PPP4R1: variants seen among roughly 807,000 people sequenced by gnomAD.
PPP4R1 encodes serine/threonine-protein phosphatase 4 regulatory subunit 1.
Under a neutral mutation model 111.2 loss-of-function variants are expected in PPP4R1, and 42 were observed. The ratio of observed to expected loss-of-function variants is 0.38; its 90% confidence interval spans 0.29 to 0.49. The LOEUF (loss-of-function observed/expected upper bound fraction) is 0.49, where lower values mean the gene tolerates loss of function less well. PPP4R1 is among the 20% of genes least tolerant of loss of function. The pLI, the probability that PPP4R1 is intolerant of heterozygous loss-of-function variation, is 0.97. For synonymous variants in PPP4R1, 409 were observed against 405.5 expected, an observed-to-expected ratio of 1.01 and a Z score of -0.10; for missense variants, 1,012 against 1,161.6, an observed-to-expected ratio of 0.87 and a Z score of 1.87.
intron 9 of PPP4R1, among the ~76,000 whole-genome samples, chr18:9,580,604 C>T (rs2067013005): frequency 6.6e-6 from 1 of 152,156 alleles, no homozygotes; most frequent in Admixed American, 6.5e-5. Context: ...CCCGTCTCGG[C>T]CTCCCAAAGT....
At chr18:9,579,517 CGT>C (rs3974278) in intron 9 of PPP4R1, among the ~76,000 whole-genome samples, 2,943 of 147,798 alleles carry the variant, frequency 0.02, 48 homozygotes, top group African/African-American at 0.045. Context: ...AGGATTTACA[CGT>C]GTGTGTGTGT....
At chr18:9,588,996 TC>T (rs2067167131) in intron 4 of PPP4R1, 143 bp from the exon 5 acceptor site, 10 of 1,009,022 alleles carry the variant, frequency 9.9e-6, no homozygotes, top group Non-Finnish European at 1.3e-5. Flanking sequence ...AATTCTGCAT[TC>T]CTTTTCAGAA....
intron 2 of PPP4R1, among the ~76,000 whole-genome samples, chr18:9,599,042 GA>G (rs898284809): frequency 1.4e-4 from 19 of 136,622 alleles, no homozygotes; most frequent in South Asian, 1.2e-3. Context: ...AAGAAAGAAA[GA>G]AAAAAAAAAG....
chr18:9,604,693 C>T (rs2067449342), intron 2 of PPP4R1, among the ~76,000 whole-genome samples: 1 of 152,156 alleles, frequency 6.6e-6, no homozygotes, highest in Non-Finnish European at 1.5e-5. Flanking sequence ...CTTGCTTTTA[C>T]TCCACCAATA....
chr18:9,566,517 G>A (rs185440714), intron 11 of PPP4R1, among the ~76,000 whole-genome samples: 118 of 152,054 alleles, frequency 7.8e-4, no homozygotes, highest in Middle Eastern at 6.8e-3. Flanking sequence ...CAGGCATGGC[G>A]GTGCATGCCT....
At chr18:9,550,551 G>A (rs1394669955) in intron 16 of PPP4R1, 153 bp from the exon 17 acceptor site, 5 of 780,534 alleles carry the variant, frequency 6.4e-6, no homozygotes, top group Non-Finnish European at 6.0e-6. Flanking sequence ...CTCCTGTACA[G>A]TTACCTCCAG....
chr18:9,595,245 T>A (rs1183047542), intron 2 of PPP4R1, 92 bp from the exon 3 acceptor site: 3 of 1,334,188 alleles, frequency 2.2e-6, no homozygotes, highest in Non-Finnish European at 3.0e-6. Flanking sequence ...GTTTCTGGAA[T>A]GGTACAAAAA....
At chr18:9,580,383 T>G (rs2067007881) in intron 9 of PPP4R1, among the ~76,000 whole-genome samples, 1 of 150,494 alleles carries the variant, frequency 6.6e-6, no homozygotes, top group African/African-American at 2.4e-5. Flanking sequence ...AGAGTCTCGC[T>G]CTATTGCCCA....
chr18:9,567,781 T>C (rs2066793057), intron 11 of PPP4R1, among the ~76,000 whole-genome samples: 1 of 152,192 alleles, frequency 6.6e-6, no homozygotes, highest in Non-Finnish European at 1.5e-5. Context: ...AAGAGTCAAC[T>C]GACACAGCAA....
rs140243664 is a variant in PPP4R1 at position 9,557,541 on chromosome 18, G to A, written c.2029-159C>T. ...ACTTTAAATGCCTAAATTATGCATCGAAAAGTGTAACAGAAACATTTTAAA... is the reference window on the plus strand; with the variant it reads ...ACTTTAAATGCCTAAATTATGCATCAAAAAGTGTAACAGAAACATTTTAAA... On this transcript the variant is annotated intron_variant, in intron 14 of 19. Transcript: ENST00000400556. Among the ~76,000 whole-genome samples the A allele has an allele frequency of 4.5e-4, 69 of 152,264 alleles. 2 individuals carry two copies. In the East Asian group the frequency reaches 6.7e-3, roughly 15 times the overall value.
intron 7 of PPP4R1, 25 bp from the exon 8 acceptor site, chr18:9,584,605 T>C (rs1238484951): frequency 1.2e-6 from 2 of 1,608,766 alleles, no homozygotes; most frequent in Non-Finnish European, 1.7e-6. Flanking sequence ...ATCATTGACA[T>C]TTCAAAATAT....
intron 13 of PPP4R1, among the ~76,000 whole-genome samples, chr18:9,561,265 G>A (rs1168657234): frequency 1.4e-5 from 2 of 143,778 alleles, no homozygotes; most frequent in African/African-American, 2.5e-5. Flanking sequence ...TAATAATAAA[G>A]TCATAGAAGC....
At chr18:9,566,157 C>T (rs1458282185) in intron 11 of PPP4R1, among the ~76,000 whole-genome samples, 2 of 151,844 alleles carry the variant, frequency 1.3e-5, no homozygotes, top group Non-Finnish European at 2.9e-5. Context: ...ATGATCCACC[C>T]ACCTCGGCCT....
At chr18:9,611,337 C>T (rs2067576136) in intron 2 of PPP4R1, among the ~76,000 whole-genome samples, 1 of 152,088 alleles carries the variant, frequency 6.6e-6, no homozygotes, top group Admixed American at 6.6e-5. Flanking sequence ...AGATAACAAC[C>T]GTGTTATAAG....
intron 2 of PPP4R1, among the ~76,000 whole-genome samples, chr18:9,605,566 C>CAAAAAAAAAAAAAAAAAAAAAAAAAAA (rs34208690): frequency 4.4e-5 from 3 of 67,636 alleles, no homozygotes; most frequent in African/African-American, 1.8e-4. Flanking sequence ...GCAGTCCTGT[C>CAAAAAAAAAAAAAAAAAAAAAAAAAAA]AAAAAAAAAA....
chr18:9,600,214 A>C (rs2145292526), intron 2 of PPP4R1, among the ~76,000 whole-genome samples: 1 of 151,682 alleles, frequency 6.6e-6, no homozygotes, highest in Non-Finnish European at 1.5e-5. Flanking sequence ...AAAAAAAAAA[A>C]AAAAATTACA....
upstream of PPP4R1, among the ~76,000 whole-genome samples, chr18:9,616,983 T>C (rs1287678292): frequency 6.6e-6 from 1 of 152,216 alleles, no homozygotes; most frequent in Non-Finnish European, 1.5e-5. Context: ...TCAGCACAAA[T>C]ATGTGTTTTT....
chr18:9,572,429 T>G (rs2066876702), intron 10 of PPP4R1, among the ~76,000 whole-genome samples: 1 of 152,174 alleles, frequency 6.6e-6, no homozygotes, highest in Non-Finnish European at 1.5e-5. Context: ...GCAATGTCTT[T>G]CTGAGAAGAG....
chr18:9,588,450 G>T (rs2067156859), intron 5 of PPP4R1, among the ~76,000 whole-genome samples: 1 of 152,200 alleles, frequency 6.6e-6, no homozygotes, highest in African/African-American at 2.4e-5. Flanking sequence ...AGCCATCCTG[G>T]TAAAAGATGC....
Sources: allele counts gnomAD v4.1 joint callset (sites outside exome capture counted in the v4.1 genomes callset), GRCh38; gene constraint gnomAD v4.1.1; transcripts MANE v1.5; gene names NCBI Gene and HGNC (gene_info 2026-07-23, HGNC 2026-07-21).